CNTNAP2: variants seen among roughly 807,000 people sequenced by gnomAD.
CNTNAP2 encodes contactin associated protein 2, also known as contactin-associated protein-like 2.
In CNTNAP2, 98 loss-of-function variants were observed where a neutral mutation model predicts 155.2. The ratio of observed to expected loss-of-function variants is 0.63; its 90% CI spans 0.54 to 0.75. The LOEUF is 0.75. CNTNAP2 is among the 30% of genes least tolerant of loss of function. The pLI is 0.00. For synonymous variants in CNTNAP2, 651 were observed against 631.2 expected (o/e 1.03, Z -0.47); for missense variants, 1,727 against 1,688.1 (o/e 1.02, Z -0.40).
In CNTNAP2 at chr7:147,132,512, C is replaced by A; in HGVS notation, c.1348+3C>A. The A allele has an allele frequency of 6.2e-7, 1 of 1,613,356 alleles. No homozygotes were observed. Among genetic ancestry groups the A allele is most frequent in the Non-Finnish European group, 8.5e-7 (1 of 1,179,576 alleles). ...GAGCCAAATCGATATTTCCTCAGGT[C>A]AGTGAAACCTATTTGACATTTGTTC... On this transcript the variant is annotated splice_donor_region_variant and intron_variant, in intron 8 of 23. Transcript: ENST00000361727.
rs551102013 is a variant in CNTNAP2 at position 147,256,368 on chromosome 7, G to A, written c.1349-43773G>A. On this transcript the variant is annotated intron_variant, in intron 8 of 23. Coordinates refer to ENST00000361727, the MANE Select transcript of CNTNAP2 (RefSeq NM_014141.6). ...GGTGTTGAGAGCTACACTTGAAGGG[G>A]GCTCTGTATTCATTTAGGGACATTT... is the stretch of plus-strand genomic sequence containing the variant. 4.3e-4 allele frequency among the ~76,000 whole-genome samples: 65 copies of A among 152,178 alleles called. No homozygotes were observed. In the Middle Eastern group the frequency reaches 0.01, roughly 24 times the overall value.
At chr7:146,292,410 C>T (rs1427478009) in intron 1 of CNTNAP2, among the ~76,000 whole-genome samples, 1 of 152,152 alleles carries the variant, frequency 6.6e-6, no homozygotes, top group African/African-American at 2.4e-5. Context: ...TGTAACAAAA[C>T]TGCCCATTAG....
chr7:147,395,826 A>G, intron 10 of CNTNAP2, 46 bp downstream of exon 10: 1 of 1,606,778 alleles, frequency 6.2e-7, no homozygotes, highest in Non-Finnish European at 8.5e-7. Context: ...AACTTTCCAA[A>G]CCTGTGTTTC....
intron 11 of CNTNAP2, among the ~76,000 whole-genome samples, chr7:147,523,762 A>G (rs1018487742): frequency 2.0e-5 from 3 of 152,220 alleles, no homozygotes; most frequent in African/African-American, 7.2e-5. Flanking sequence ...GTCTTACTCA[A>G]TTCCCATGCC....
intron 1 of CNTNAP2, among the ~76,000 whole-genome samples, chr7:146,608,747 A>G (rs1038495221): frequency 6.6e-6 from 1 of 152,072 alleles, no homozygotes; most frequent in Non-Finnish European, 1.5e-5. Context: ...CATTGTTGAT[A>G]TTCCATTTCA....
chr7:146,435,637 C>G (rs1045453776), intron 1 of CNTNAP2, among the ~76,000 whole-genome samples: 1 of 152,058 alleles, frequency 6.6e-6, no homozygotes, highest in Non-Finnish European at 1.5e-5. Context: ...ATAAATCAGG[C>G]AGTATATTAT....
At chr7:146,961,283 CGGGG>C (rs980871809) in intron 3 of CNTNAP2, among the ~76,000 whole-genome samples, 19 of 152,108 alleles carry the variant, frequency 1.2e-4, no homozygotes, top group African/African-American at 4.1e-4. Flanking sequence ...GGACTGCTTC[CGGGG>C]CAGGTCCCCT....
chr7:146,937,205 G>T (rs1796934091), intron 3 of CNTNAP2, among the ~76,000 whole-genome samples: 1 of 151,798 alleles, frequency 6.6e-6, no homozygotes, highest in Admixed American at 6.6e-5. Flanking sequence ...GGCTAACACA[G>T]TGAAACCCCG....
chr7:147,398,488 T>C (rs148136357), intron 10 of CNTNAP2, among the ~76,000 whole-genome samples: 2,449 of 151,144 alleles, frequency 0.016, 67 homozygotes, highest in African/African-American at 0.056. Context: ...TGTTTGGAGA[T>C]AATAGTCACA....
chr7:146,317,320 C>A (rs1800924199), intron 1 of CNTNAP2, among the ~76,000 whole-genome samples: 1 of 152,150 alleles, frequency 6.6e-6, no homozygotes, highest in Non-Finnish European at 1.5e-5. Flanking sequence ...ATCCAGTATA[C>A]TGCCTTGTAT....
intron 1 of CNTNAP2, among the ~76,000 whole-genome samples, chr7:146,407,061 G>A (rs1376984007): frequency 1.3e-5 from 2 of 152,110 alleles, no homozygotes; most frequent in Non-Finnish European, 2.9e-5. Context: ...TAGTGCCTTG[G>A]GTACTTGACG....
intron 13 of CNTNAP2, among the ~76,000 whole-genome samples, chr7:147,852,400 C>T (rs1243527352): frequency 2.6e-5 from 4 of 152,126 alleles, no homozygotes; most frequent in Non-Finnish European, 4.4e-5. Flanking sequence ...CCTTGATCTA[C>T]GAGTGACTTA....
intron 3 of CNTNAP2, among the ~76,000 whole-genome samples, chr7:146,937,384 T>TAAAATA (rs1554412068): frequency 2.0e-5 from 3 of 148,708 alleles, no homozygotes; most frequent in African/African-American, 4.9e-5. Context: ...TAAAATAAAA[T>TAAAATA]AAATAAAAGC....
intron 1 of CNTNAP2, among the ~76,000 whole-genome samples, chr7:146,249,211 C>T (rs974953103): frequency 1.3e-5 from 2 of 152,128 alleles, no homozygotes; most frequent in Non-Finnish European, 2.9e-5. Flanking sequence ...TTAGCTTGGG[C>T]TCAGAGGCCT....
intron 1 of CNTNAP2, among the ~76,000 whole-genome samples, chr7:146,378,093 G>A (rs191703819): frequency 2.6e-5 from 4 of 152,060 alleles, no homozygotes; most frequent in South Asian, 2.1e-4. Context: ...CTTACTTATC[G>A]CCACATCAGA....
intron 1 of CNTNAP2, among the ~76,000 whole-genome samples, chr7:146,341,612 A>G (rs890668462): frequency 1.3e-4 from 20 of 152,192 alleles, no homozygotes; most frequent in African/African-American, 4.8e-4. Context: ...TATTGCTAGA[A>G]AAACAGGATT....
chr7:147,850,392 T>C (rs1798912215), intron 13 of CNTNAP2, among the ~76,000 whole-genome samples: 1 of 152,224 alleles, frequency 6.6e-6, no homozygotes, highest in South Asian at 2.1e-4. Flanking sequence ...CCAATGACTT[T>C]CTTCACAGAA....
At chr7:147,297,262 C>T (rs958844030) in intron 8 of CNTNAP2, among the ~76,000 whole-genome samples, 3 of 152,084 alleles carry the variant, frequency 2.0e-5, no homozygotes, top group Non-Finnish European at 2.9e-5. Flanking sequence ...TGATCACTCC[C>T]TCAGATTCAT....
chr7:146,657,031 TAATG>T (rs1438747914), intron 1 of CNTNAP2, among the ~76,000 whole-genome samples: 3 of 152,200 alleles, frequency 2.0e-5, no homozygotes, highest in Non-Finnish European at 4.4e-5. Context: ...ATTAAGCTAC[TAATG>T]AAGACATGCA....
Sources: allele counts gnomAD v4.1 joint callset (sites outside exome capture counted in the v4.1 genomes callset), GRCh38; gene constraint gnomAD v4.1.1; transcripts MANE v1.5; gene names NCBI Gene and HGNC (gene_info 2026-07-23, HGNC 2026-07-21).